Variants in SPAG16 observed in about 807,000 individuals in gnomAD.
The protein encoded by SPAG16 is sperm-associated antigen 16 protein.
A neutral mutation model predicts 80.4 loss-of-function variants in SPAG16; 86 were observed. The observed-to-expected ratio is 1.07, with a 90% CI of 0.90 to 1.28. The LOEUF (loss-of-function observed/expected upper bound fraction) is 1.28. SPAG16 is among the 50% of genes most tolerant of loss of function. SPAG16 has a pLI of 0.00. For synonymous variants in SPAG16, 294 were observed against 265.9 expected, an observed-to-expected ratio of 1.11 and a Z score of -1.03; for missense variants, 870 against 765.3, an observed-to-expected ratio of 1.14 and a Z score of -1.61.
chr2:213,769,936 T>A (rs1369019909), intron 10 of SPAG16, among the ~76,000 whole-genome samples: 2 of 152,316 alleles, frequency 1.3e-5, no homozygotes, highest in East Asian at 1.9e-4. Context: ...AACCAGCATC[T>A]GATTTTTACT....
intron 10 of SPAG16, among the ~76,000 whole-genome samples, chr2:213,655,473 T>A (rs2063186423): frequency 6.6e-6 from 1 of 152,224 alleles, no homozygotes; most frequent in South Asian, 2.1e-4. Context: ...CTGTTTTACC[T>A]AGTGACAATG....
intron 10 of SPAG16, among the ~76,000 whole-genome samples, chr2:213,517,762 T>C (rs1185691689): frequency 1.3e-5 from 2 of 152,162 alleles, no homozygotes; most frequent in Non-Finnish European, 2.9e-5. Flanking sequence ...TGGAGAATAA[T>C]GAAACTGGAC....
At chr2:214,164,766 T>A (rs2056580577) in intron 15 of SPAG16, among the ~76,000 whole-genome samples, 1 of 152,162 alleles carries the variant, frequency 6.6e-6, no homozygotes, top group Non-Finnish European at 1.5e-5. Flanking sequence ...TTGTCTGCTA[T>A]TAATTATGGA....
intron 15 of SPAG16, among the ~76,000 whole-genome samples, chr2:214,296,666 T>C (rs1222530656): frequency 6.6e-6 from 1 of 152,202 alleles, no homozygotes; most frequent in Admixed American, 6.5e-5. Context: ...ATTACATGTT[T>C]ATTAGCCACT....
intron 11 of SPAG16, among the ~76,000 whole-genome samples, chr2:213,897,686 C>A (rs1201956215): frequency 6.6e-6 from 1 of 152,084 alleles, no homozygotes; most frequent in African/African-American, 2.4e-5. Context: ...TCATCACACG[C>A]GGTGCTAATC....
chr2:213,890,021 T>G (rs1289008432), intron 11 of SPAG16, among the ~76,000 whole-genome samples: 1 of 152,030 alleles, frequency 6.6e-6, no homozygotes, highest in Non-Finnish European at 1.5e-5. Flanking sequence ...ATGAAAATAT[T>G]GAGATCATAA....
intron 11 of SPAG16, among the ~76,000 whole-genome samples, chr2:213,916,962 AT>A: frequency 6.6e-6 from 1 of 152,150 alleles, no homozygotes; most frequent in Non-Finnish European, 1.5e-5. Flanking sequence ...CCTTGAGTTT[AT>A]TTTTGTATGT....
chr2:214,006,386 T>A (rs2047026890), intron 12 of SPAG16, among the ~76,000 whole-genome samples: 1 of 152,342 alleles, frequency 6.6e-6, no homozygotes, highest in East Asian at 1.9e-4. Context: ...TAAATAAAGA[T>A]GTATCTGACC....
chr2:214,071,754 G>C (rs552307673), intron 13 of SPAG16, among the ~76,000 whole-genome samples: 1 of 152,044 alleles, frequency 6.6e-6, no homozygotes, highest in Admixed American at 6.6e-5. Context: ...TTCATCATCA[G>C]TTCCCATTTG....
At chr2:213,738,079 C>T (rs1168019818) in intron 10 of SPAG16, among the ~76,000 whole-genome samples, 1 of 152,028 alleles carries the variant, frequency 6.6e-6, no homozygotes, top group Non-Finnish European at 1.5e-5. Context: ...AAATAATATC[C>T]TGGTTTTATT....
intron 9 of SPAG16, among the ~76,000 whole-genome samples, chr2:213,465,273 T>TGCCCCCATGAGGG (rs1341108983): frequency 6.6e-6 from 1 of 152,172 alleles, no homozygotes; most frequent in Non-Finnish European, 1.5e-5. Flanking sequence ...TTTGCTTAAA[T>TGCCCCCATGAGGG]GCCCCCATGA....
At chr2:213,514,752 T>A (rs150739665) in intron 10 of SPAG16, among the ~76,000 whole-genome samples, 215 of 152,096 alleles carry the variant, frequency 1.4e-3, no homozygotes, top group Middle Eastern at 0.014. Context: ...AATTATAATT[T>A]TAACACTGAA....
At chr2:213,399,384 GATTTT>G (rs1174385173) in intron 9 of SPAG16, among the ~76,000 whole-genome samples, 1 of 151,906 alleles carries the variant, frequency 6.6e-6, no homozygotes, top group African/African-American at 2.4e-5. Context: ...TAAGTTTTAA[GATTTT>G]ATTTTATCAT....
intron 11 of SPAG16, among the ~76,000 whole-genome samples, chr2:213,883,787 T>A (rs1044689327): frequency 1.3e-5 from 2 of 152,142 alleles, no homozygotes; most frequent in African/African-American, 4.8e-5. Context: ...CCTTTTAAAT[T>A]TTTATTGGCT....
chr2:213,498,169 A>G (rs565480566), intron 10 of SPAG16, among the ~76,000 whole-genome samples: 4 of 152,268 alleles, frequency 2.6e-5, no homozygotes, highest in African/African-American at 4.8e-5. Context: ...AAGTATGAGC[A>G]ATCAGTAGTT....
intron 15 of SPAG16, among the ~76,000 whole-genome samples, chr2:214,182,603 C>A (rs972755129): frequency 2.6e-5 from 4 of 151,786 alleles, no homozygotes; most frequent in African/African-American, 9.7e-5. Flanking sequence ...TCTTTGTTTA[C>A]CTTTAATCCT....
chr2:213,407,234 G>A (rs2068659878), intron 9 of SPAG16, among the ~76,000 whole-genome samples: 1 of 152,206 alleles, frequency 6.6e-6, no homozygotes, highest in South Asian at 2.1e-4. Context: ...GACAGCACAA[G>A]TGGGAAGTGT....
intron 10 of SPAG16, among the ~76,000 whole-genome samples, chr2:213,752,710 A>G (rs547800278): frequency 2.7e-4 from 41 of 152,322 alleles, no homozygotes; most frequent in South Asian, 1.2e-3. Context: ...AAAAAGCTAC[A>G]CAGTACACTA....
rs756845288 is a variant in SPAG16 at position 214,149,212 on chromosome 2, G to T, written c.1666G>T (p.Val556Leu). ...LWDFRKLLPI[V>L]SIDIGPSPGN... ...GGACTTTCGGAAGCTGTTACCAATT[G>T]TGTCCATCGATATAGGTCCAAGTCC... The change falls in exon 15 of 16, where the codon GTG becomes TTG. Residue 556 changes from valine to leucine, a missense_variant. Physicochemically the swap from Val to Leu is conservative, Grantham distance 32 (BLOSUM62 1). Transcript: ENST00000331683. 2.2e-5 allele frequency: 35 copies of T among 1,599,722 alleles called. No individual in the cohort carries two copies. In the East Asian group the frequency reaches 7.6e-4, roughly 35 times the overall value.
Sources: gnomAD v4.1 joint callset for allele counts (sites outside exome capture counted in the v4.1 genomes callset) on GRCh38, gnomAD v4.1.1 for gene constraint, MANE v1.5 for transcripts, NCBI Gene and HGNC (gene_info 2026-07-23, HGNC 2026-07-21) for gene names.